TRPS1: variants seen among roughly 807,000 people sequenced by gnomAD.
The protein encoded by TRPS1 is transcriptional repressor GATA binding 1.
A neutral mutation model predicts 101.2 loss-of-function variants in TRPS1; 6 were observed. That is an observed-to-expected ratio of 0.06 (90% CI 0.03 to 0.12). TRPS1 has a LOEUF of 0.12. Ranked by LOEUF, TRPS1 falls within the 10% of genes least tolerant of loss-of-function variation. TRPS1 has a pLI of 1.00. For missense variants in TRPS1, 1,363 were observed against 1,567.0 expected, an observed-to-expected ratio of 0.87 and a Z score of 2.20; for synonymous variants, 578 against 589.8, an observed-to-expected ratio of 0.98 and a Z score of 0.29.
intron 5 of TRPS1, among the ~76,000 whole-genome samples, chr8:115,494,267 G>A (rs938266264): frequency 3.3e-5 from 5 of 152,172 alleles, no homozygotes; most frequent in Admixed American, 6.5e-5. Flanking sequence ...CCAGGGCAGC[G>A]GTGTGTTTTC....
At chr8:115,617,630 C>A (rs1281516207) in intron 3 of TRPS1, among the ~76,000 whole-genome samples, 1 of 152,166 alleles carries the variant, frequency 6.6e-6, no homozygotes, top group Non-Finnish European at 1.5e-5. Flanking sequence ...ATATTACTTG[C>A]TAATTATAAA....
intron 5 of TRPS1, among the ~76,000 whole-genome samples, chr8:115,576,322 G>GATATAT (rs374694464): frequency 0.27 from 39,187 of 143,164 alleles, 8,774 homozygotes; most frequent in Admixed American, 0.36. Context: ...TATAGATCTA[G>GATATAT]ATCTTTGGAC....
rs1433286880 is a variant in TRPS1 at position 115,587,301 on chromosome 8, A to G, written c.2400T>C (p.Asp800=). The change falls in exon 5 of 7, where the codon GAT becomes GAC. Residue 800 remains aspartate, a synonymous_variant. Transcript: ENST00000395715. ...CTCTCCAAGTCACATTGCGAAGGTCATCACTGGAACTCTCGGTCCAAACTT... is the reference window on the plus strand; with the variant it reads ...CTCTCCAAGTCACATTGCGAAGGTCGTCACTGGAACTCTCGGTCCAAACTT... The part of the protein sequence containing the change: ...KEKVWTESSS[D]DLRNVTWRGA... 2 of 1,614,048 alleles carry G rather than the reference A, an allele frequency of 1.2e-6. No individual in the cohort carries two copies. Among genetic ancestry groups the G allele is most frequent in the Non-Finnish European group, 1.7e-6 (2 of 1,179,900 alleles).
intron 4 of TRPS1, among the ~76,000 whole-genome samples, chr8:115,602,505 A>C (rs1418118372): frequency 6.6e-6 from 1 of 152,184 alleles, no homozygotes; most frequent in Non-Finnish European, 1.5e-5. Flanking sequence ...CTTATAAATT[A>C]AACAGTGTAA....
intron 1 of TRPS1, among the ~76,000 whole-genome samples, chr8:115,631,466 C>CCAT (rs1368254038): frequency 2.0e-5 from 3 of 152,002 alleles, no homozygotes; most frequent in Non-Finnish European, 4.4e-5. Context: ...AGGCTCATTT[C>CCAT]CATCATCAGC....
intron 5 of TRPS1, among the ~76,000 whole-genome samples, chr8:115,506,600 T>C (rs1815450913): frequency 6.6e-6 from 1 of 152,104 alleles, no homozygotes; most frequent in South Asian, 2.1e-4. Flanking sequence ...TAAATATTGG[T>C]TTAGATACTT....
intron 5 of TRPS1, among the ~76,000 whole-genome samples, chr8:115,453,788 A>C (rs546283573): frequency 5.9e-5 from 9 of 152,362 alleles, no homozygotes; most frequent in Admixed American, 3.9e-4. Context: ...TGGATGAATT[A>C]GAGTATATAA....
At chr8:115,659,549 T>A (rs1811747880) in intron 1 of TRPS1, among the ~76,000 whole-genome samples, 2 of 151,920 alleles carry the variant, frequency 1.3e-5, no homozygotes, top group African/African-American at 4.8e-5. Flanking sequence ...TTTAGTAATA[T>A]GGGCCTTGAT....
intron 4 of TRPS1, among the ~76,000 whole-genome samples, chr8:115,602,725 A>AT (rs1817936964): frequency 6.6e-6 from 1 of 152,202 alleles, no homozygotes; most frequent in Non-Finnish European, 1.5e-5. Flanking sequence ...AATTGAATAG[A>AT]TTTTTAGACT....
chr8:115,442,848 T>C (rs1813639866), intron 5 of TRPS1, among the ~76,000 whole-genome samples: 1 of 151,372 alleles, frequency 6.6e-6, no homozygotes, highest in South Asian at 2.1e-4. Context: ...TCCCAGCACT[T>C]TGGGAGACTG....
rs534919740 is a variant in TRPS1 at position 115,507,804 on chromosome 8, T to C, written c.2700+79197A>G. Among the ~76,000 whole-genome samples the C allele has an allele frequency of 3.3e-5, 5 of 152,152 alleles. No homozygotes were observed. The South Asian group carries it at 1.0e-3, about 32-fold the overall frequency. On this transcript the variant is annotated intron_variant, in intron 5 of 6. Coordinates refer to ENST00000395715, the MANE Select transcript of TRPS1 (RefSeq NM_014112.5). Reference sequence around the variant, plus strand: ...AACATTTATTACAACACATAAATCATTTTCTTACAACTATTATATAGGTCT... The same window carrying C: ...AACATTTATTACAACACATAAATCACTTTCTTACAACTATTATATAGGTCT...
chr8:115,547,724 C>G (rs1189740755), intron 5 of TRPS1, among the ~76,000 whole-genome samples: 1 of 152,112 alleles, frequency 6.6e-6, no homozygotes, highest in Non-Finnish European at 1.5e-5. Context: ...CTTTCACTCC[C>G]GAAGAGTAGC....
chr8:115,506,791 C>T (rs1815455678), intron 5 of TRPS1, among the ~76,000 whole-genome samples: 1 of 152,006 alleles, frequency 6.6e-6, no homozygotes, highest in African/African-American at 2.4e-5. Flanking sequence ...AAAATGTTCA[C>T]AATCAACGCC....
Position 115,409,420 on chromosome 8 carries a change from C to A in TRPS1, c.*4603G>T, listed in dbSNP as rs1812737018. 6.6e-6 allele frequency: 1 copy of A among 151,962 alleles called. No individual in the cohort carries two copies. The highest frequency in any genetic ancestry group is 1.9e-4 in the East Asian group (1 of 5,174). The allele number at this position is 151,962 out of a possible 1,614,324, so 9.4% of individuals were successfully genotyped here. A position where few individuals can be genotyped will look rare whatever the true frequency, so the allele number is the denominator to read the frequency against. Reference sequence around the variant, plus strand: ...AGGACAGAGTGAAGCTTACAGCTCTCCCTTTCCTTTCAAGAGAACACATGA... The same window carrying A: ...AGGACAGAGTGAAGCTTACAGCTCTACCTTTCCTTTCAAGAGAACACATGA... On this transcript the variant is annotated 3_prime_UTR_variant, in exon 7 of 7. Transcript: ENST00000395715.
At chr8:115,585,629 C>T (rs1817545608) in intron 5 of TRPS1, among the ~76,000 whole-genome samples, 1 of 152,156 alleles carries the variant, frequency 6.6e-6, no homozygotes, top group South Asian at 2.1e-4. Flanking sequence ...CAAATATTGA[C>T]AATGATAAAA....
intron 5 of TRPS1, among the ~76,000 whole-genome samples, chr8:115,574,207 G>T (rs1393852945): frequency 6.6e-6 from 1 of 152,150 alleles, no homozygotes; most frequent in Non-Finnish European, 1.5e-5. Flanking sequence ...AGAAACTTTA[G>T]AGACCAGTAT....
chr8:115,448,635 T>C (rs888137231), intron 5 of TRPS1, among the ~76,000 whole-genome samples: 1 of 152,200 alleles, frequency 6.6e-6, no homozygotes, highest in Non-Finnish European at 1.5e-5. Context: ...CATTCATCTC[T>C]CACTTTATCA....
intron 4 of TRPS1, among the ~76,000 whole-genome samples, chr8:115,599,674 G>GT (rs1817866502): frequency 6.6e-6 from 1 of 151,888 alleles, no homozygotes; most frequent in Non-Finnish European, 1.5e-5. Flanking sequence ...ACACCAACTC[G>GT]TTTTTTTATG....
chr8:115,459,199 A>C (rs1300547985), intron 5 of TRPS1, among the ~76,000 whole-genome samples: 2 of 152,186 alleles, frequency 1.3e-5, no homozygotes, highest in South Asian at 2.1e-4. Flanking sequence ...TTAGCTTGGC[A>C]TGGAGGCAGG....
Sources: gnomAD v4.1 joint callset for allele counts (sites outside exome capture counted in the v4.1 genomes callset) on GRCh38, gnomAD v4.1.1 for gene constraint, MANE v1.5 for transcripts, NCBI Gene and HGNC (gene_info 2026-07-23, HGNC 2026-07-21) for gene names.